RBFOX1: variants seen among roughly 807,000 people sequenced by gnomAD.
The protein encoded by RBFOX1 is RNA binding fox-1 homolog 1.
A neutral mutation model predicts 57.7 loss-of-function variants in RBFOX1; 8 were observed. The observed-to-expected ratio is 0.14, with a 90% CI of 0.08 to 0.25. RBFOX1 has a LOEUF of 0.25. RBFOX1 is among the 10% of genes least tolerant of loss of function. The pLI is 1.00. For synonymous variants in RBFOX1, 326 were observed against 222.4 expected (o/e 1.47, Z -4.15); for missense variants, 611 against 548.5 (o/e 1.11, Z -1.14).
At chr16:7,655,793 G>A (rs2066161467) in intron 12 of RBFOX1, among the ~76,000 whole-genome samples, 1 of 152,296 alleles carries the variant, frequency 6.6e-6, no homozygotes, top group Admixed American at 6.5e-5. Context: ...CTATATTGAA[G>A]AGCAAAAGAA....
chr16:5,486,513 G>A (rs545139370), intron 2 of RBFOX1, among the ~76,000 whole-genome samples: 1 of 152,332 alleles, frequency 6.6e-6, no homozygotes, highest in South Asian at 2.1e-4. Flanking sequence ...ATGGAAGAAG[G>A]TCTGTGCAGT....
intron 1 of RBFOX1, among the ~76,000 whole-genome samples, chr16:5,401,171 T>G (rs994656048): frequency 6.6e-6 from 1 of 152,200 alleles, no homozygotes; most frequent in Admixed American, 6.5e-5. Flanking sequence ...TGGCTAAAGG[T>G]TTATTTATAC....
intron 2 of RBFOX1, among the ~76,000 whole-genome samples, chr16:6,587,857 A>T (rs113978017): frequency 0.019 from 2,911 of 152,256 alleles, 92 homozygotes; most frequent in African/African-American, 0.064. Context: ...CCGTCTTCCC[A>T]TATATATTGG....
chr16:7,551,667 G>T lies in RBFOX1; in HGVS notation c.271-28110G>T, dbSNP rs770506851. On this transcript the variant is annotated intron_variant, in intron 5 of 15. Transcript: ENST00000550418. ...GGAGGAGCAGGTAGGAGTTACTCTA[G>T]CTGGTTCAGTGGCATGCAGGAAGCT... Among the ~76,000 whole-genome samples the T allele has an allele frequency of 1.5e-3, 227 of 152,312 alleles. 2 individuals carry two copies. The highest frequency in any genetic ancestry group is 4.7e-4 in the Non-Finnish European group (32 of 68,032).
chr16:6,348,124 G>C (rs1411572577), intron 2 of RBFOX1, among the ~76,000 whole-genome samples: 3 of 152,154 alleles, frequency 2.0e-5, no homozygotes, highest in Non-Finnish European at 4.4e-5. Context: ...TTATGGGTTT[G>C]TGTGGTTTGA....
intron 1 of RBFOX1, among the ~76,000 whole-genome samples, chr16:5,346,018 T>A (rs1421321034): frequency 1.3e-5 from 2 of 152,168 alleles, no homozygotes; most frequent in Non-Finnish European, 2.9e-5. Context: ...TTGTCAACAA[T>A]CCCTTTCAGT....
intron 3 of RBFOX1, among the ~76,000 whole-genome samples, chr16:6,876,960 A>C (rs1431754505): frequency 6.6e-6 from 1 of 152,178 alleles, no homozygotes; most frequent in Non-Finnish European, 1.5e-5. Context: ...ATGGAAGAAT[A>C]ATTTGTAGAA....
rs181020359 is a variant in RBFOX1 at position 6,320,826 on chromosome 16, C to G, written c.-64+3769C>G. On this transcript the variant is annotated intron_variant, in intron 2 of 15. Transcript: ENST00000550418. ...TTATTATTTATGAGACAGAATCTCA[C>G]TCTGTTGCCCAGGCTGGAGTGCAGT... Among the ~76,000 whole-genome samples, 15 of 152,266 alleles carry G rather than the reference C, an allele frequency of 9.9e-5. No homozygotes were observed. The East Asian group carries it at 2.9e-3, about 29-fold the overall frequency.
chr16:6,017,500 G>A (rs1401402224), upstream of RBFOX1, among the ~76,000 whole-genome samples: 1 of 151,902 alleles, frequency 6.6e-6, no homozygotes, highest in Non-Finnish European at 1.5e-5. Flanking sequence ...TATCACTGAA[G>A]GATGAGACTA....
At chr16:6,639,567 TACAC>T (rs939117760) in intron 2 of RBFOX1, among the ~76,000 whole-genome samples, 4 of 152,128 alleles carry the variant, frequency 2.6e-5, no homozygotes, top group African/African-American at 9.7e-5. Flanking sequence ...TAATAATAAA[TACAC>T]ATAATTTAAA....
chr16:7,233,847 C>G (rs1043354795), intron 4 of RBFOX1, among the ~76,000 whole-genome samples: 1 of 152,180 alleles, frequency 6.6e-6, no homozygotes, highest in African/African-American at 2.4e-5. Context: ...TAATTGACAA[C>G]AAGGTTTATT....
chr16:7,282,290 C>T lies in RBFOX1; in HGVS notation c.27+230192C>T, dbSNP rs561638739. On this transcript the variant is annotated intron_variant, in intron 4 of 15. Coordinates refer to ENST00000550418, the MANE Select transcript of RBFOX1 (RefSeq NM_018723.4). Reference sequence around the variant, plus strand: ...TAAATGGCATTTGCAAAGGGGATTTCATTTATTCCTGGATGCCACAGTTAC... The same window carrying T: ...TAAATGGCATTTGCAAAGGGGATTTTATTTATTCCTGGATGCCACAGTTAC... Among the ~76,000 whole-genome samples, 7 of 152,292 alleles carry T rather than the reference C, an allele frequency of 4.6e-5. No homozygotes were observed. In the South Asian group the frequency reaches 1.5e-3, roughly 32 times the overall value.
intron 3 of RBFOX1, among the ~76,000 whole-genome samples, chr16:6,875,444 C>T (rs752111130): frequency 6.6e-6 from 1 of 152,146 alleles, no homozygotes; most frequent in South Asian, 2.1e-4. Context: ...CTTCCCAGGA[C>T]TCACACAAGA....
intron 14 of RBFOX1, among the ~76,000 whole-genome samples, chr16:7,702,780 G>T (rs1300971291): frequency 1.3e-5 from 2 of 152,212 alleles, no homozygotes; most frequent in African/African-American, 4.8e-5. Context: ...ATGGGCAAAA[G>T]CAACAACTCA....
intron 3 of RBFOX1, among the ~76,000 whole-genome samples, chr16:5,779,947 G>T (rs189168518): frequency 1.3e-5 from 2 of 152,252 alleles, no homozygotes; most frequent in African/African-American, 4.8e-5. Context: ...AATAATAAAT[G>T]AGCTAAAATA....
At chr16:6,920,880 G>T (rs2074309776) in intron 3 of RBFOX1, among the ~76,000 whole-genome samples, 1 of 152,150 alleles carries the variant, frequency 6.6e-6, no homozygotes, top group Admixed American at 6.5e-5. Flanking sequence ...TCCAAATAGG[G>T]TCACATTCAC....
At chr16:5,454,958 C>CCTTTCTTT (rs1169954657) in intron 1 of RBFOX1, among the ~76,000 whole-genome samples, 810 of 30,362 alleles carry the variant, frequency 0.027, 46 homozygotes, top group East Asian at 0.031. Context: ...TTCCTTCCTT[C>CCTTTCTTT]CTTTCTTTCT....
exon 3 of RBFOX1, chr16:5,599,095 G>T: frequency 1.2e-6 from 1 of 866,570 alleles, no homozygotes; most frequent in Non-Finnish European, 1.9e-6. Context: ...GAATTAACTG[G>T]GTTTGAGGGG....
chr16:5,584,245 T>C (rs1257931387), intron 2 of RBFOX1, among the ~76,000 whole-genome samples: 1 of 152,212 alleles, frequency 6.6e-6, no homozygotes, highest in Non-Finnish European at 1.5e-5. Flanking sequence ...CCCAACTTCA[T>C]TTTGCAAGAG....
Sources: allele counts gnomAD v4.1 joint callset (sites outside exome capture counted in the v4.1 genomes callset), GRCh38; gene constraint gnomAD v4.1.1; transcripts MANE v1.5; gene names NCBI Gene and HGNC (gene_info 2026-07-23, HGNC 2026-07-21).